GLIS3: variants seen among roughly 807,000 people sequenced by gnomAD.
GLIS3 encodes GLIS family zinc finger 3.
GLIS3 carries 53 observed loss-of-function variants against 78.6 expected under a neutral mutation model. The ratio of observed to expected loss-of-function variants is 0.67; its 90% CI spans 0.54 to 0.85. The LOEUF (loss-of-function observed/expected upper bound fraction) is 0.85. Among genes scored for constraint, GLIS3 ranks in the 40% least tolerant of loss-of-function variants. GLIS3 has a pLI of 0.00. For missense variants in GLIS3, 1,703 were observed against 1,231.1 expected, an observed-to-expected ratio of 1.38 and a Z score of -5.74; for synonymous variants, 684 against 509.9, an observed-to-expected ratio of 1.34 and a Z score of -4.60.
intron 2 of GLIS3, among the ~76,000 whole-genome samples, chr9:4,318,064 G>A (rs1037682211): frequency 6.6e-6 from 1 of 152,176 alleles, no homozygotes; most frequent in African/African-American, 2.4e-5. Context: ...GAATGTCAAA[G>A]TAAGTTATTT....
the GLIS3 span, among the ~76,000 whole-genome samples, chr9:4,428,406 G>C: frequency 6.7e-6 from 1 of 149,530 alleles, no homozygotes; most frequent in Non-Finnish European, 1.5e-5. Flanking sequence ...TTGAACCTGG[G>C]AGGCAGAGGT....
chr9:4,058,791 T>A (rs372500791), intron 4 of GLIS3, among the ~76,000 whole-genome samples: 1 of 151,984 alleles, frequency 6.6e-6, no homozygotes, highest in Non-Finnish European at 1.5e-5. Context: ...CCATCCTGGC[T>A]AACACAGTGA....
chr9:3,956,028 C>CAAAAAAAAAAAAA (rs5896037), intron 4 of GLIS3, among the ~76,000 whole-genome samples: 57 of 87,492 alleles, frequency 6.5e-4, no homozygotes, highest in East Asian at 1.2e-3. Flanking sequence ...CCAGATTCAG[C>CAAAAAAAAAAAAA]AAAAAAAAAA....
chr9:4,056,288 T>C (rs887386117), intron 4 of GLIS3, among the ~76,000 whole-genome samples: 5 of 152,226 alleles, frequency 3.3e-5, no homozygotes, highest in African/African-American at 1.2e-4. Context: ...AACAGTCCTC[T>C]TGGGGATTTT....
At chr9:4,156,762 G>T (rs1239520044) in intron 2 of GLIS3, among the ~76,000 whole-genome samples, 1 of 152,048 alleles carries the variant, frequency 6.6e-6, no homozygotes, top group African/African-American at 2.4e-5. Context: ...GAGGACCCTG[G>T]ATATGCTGAA....
the GLIS3 span, among the ~76,000 whole-genome samples, chr9:4,366,585 T>C: frequency 2.6e-4 from 40 of 152,192 alleles, no homozygotes; most frequent in Non-Finnish European, 1.3e-4. Context: ...CCATGAACCT[T>C]CCTTCACATT....
chr9:4,297,907 T>A (rs1019964329), intron 1 of GLIS3, among the ~76,000 whole-genome samples: 1 of 152,022 alleles, frequency 6.6e-6, no homozygotes, highest in Non-Finnish European at 1.5e-5. Flanking sequence ...CTGGCTTCGC[T>A]GCCGGGGTCG....
At chr9:4,013,195 C>A (rs1822172504) in intron 4 of GLIS3, among the ~76,000 whole-genome samples, 1 of 152,128 alleles carries the variant, frequency 6.6e-6, no homozygotes, top group South Asian at 2.1e-4. Context: ...CATCCCCAAC[C>A]TCCCAAAAAC....
the GLIS3 span, among the ~76,000 whole-genome samples, chr9:4,464,308 T>C: frequency 3.3e-5 from 5 of 151,992 alleles, no homozygotes; most frequent in African/African-American, 9.7e-5. Flanking sequence ...ATTTTTACCA[T>C]GATTTTGACA....
At chr9:4,279,314 A>T (rs59804123) in intron 2 of GLIS3, among the ~76,000 whole-genome samples, 20,388 of 82,496 alleles carry the variant, frequency 0.25, 4,426 homozygotes, top group African/African-American at 0.57. Flanking sequence ...AAAAAAAAAA[A>T]ATATATATAT....
At chr9:4,195,522 A>C (rs1818745121) in intron 2 of GLIS3, among the ~76,000 whole-genome samples, 1 of 152,204 alleles carries the variant, frequency 6.6e-6, no homozygotes, top group South Asian at 2.1e-4. Context: ...GCCGGGCCTC[A>C]GCCACCTCCC....
chr9:3,907,806 T>C (rs577871468), intron 6 of GLIS3, among the ~76,000 whole-genome samples: 2 of 152,264 alleles, frequency 1.3e-5, no homozygotes, highest in East Asian at 3.9e-4. Context: ...TGAGTTCTCT[T>C]GCAAGTGCGT....
chr9:4,270,488 C>A (rs769072842), intron 2 of GLIS3, among the ~76,000 whole-genome samples: 3 of 152,098 alleles, frequency 2.0e-5, no homozygotes, highest in East Asian at 1.9e-4. Flanking sequence ...AAGGCTCAAA[C>A]GGGGAAGCAT....
the GLIS3 span, among the ~76,000 whole-genome samples, chr9:4,400,530 A>T: frequency 6.6e-6 from 1 of 152,228 alleles, no homozygotes; most frequent in Non-Finnish European, 1.5e-5. Flanking sequence ...TTCTTTACCT[A>T]TATTGATTTG....
intron 3 of GLIS3, chr9:4,310,398 C>A (rs1176004062): frequency 6.6e-6 from 1 of 152,208 alleles, no homozygotes; most frequent in Admixed American, 6.5e-5. Flanking sequence ...TTCAGAAACT[C>A]ACTTGTCTAG....
At chr9:4,143,632 T>A (rs1411643210) in intron 2 of GLIS3, among the ~76,000 whole-genome samples, 1 of 152,162 alleles carries the variant, frequency 6.6e-6, no homozygotes, top group South Asian at 2.1e-4. Flanking sequence ...TACAGTATTG[T>A]CAACTATGGT....
chr9:4,488,768 T>G, the GLIS3 span, among the ~76,000 whole-genome samples: 1 of 152,216 alleles, frequency 6.6e-6, no homozygotes, highest in Non-Finnish European at 1.5e-5. Flanking sequence ...TCCGCCTGCC[T>G]TGGCCTCCCA....
At chr9:4,458,989 G>A in the GLIS3 span, among the ~76,000 whole-genome samples, 1 of 152,162 alleles carries the variant, frequency 6.6e-6, no homozygotes, top group Admixed American at 6.6e-5. Context: ...TTACCACATG[G>A]ATCCAAGATT....
At chr9:4,446,985 C>T in the GLIS3 span, among the ~76,000 whole-genome samples, 1 of 152,114 alleles carries the variant, frequency 6.6e-6, no homozygotes, top group Non-Finnish European at 1.5e-5. Context: ...TCTTACTCTG[C>T]TACCCTTACT....
Sources: allele counts gnomAD v4.1 joint callset (sites outside exome capture counted in the v4.1 genomes callset), GRCh38; gene constraint gnomAD v4.1.1; transcripts MANE v1.5; gene names NCBI Gene and HGNC (gene_info 2026-07-23, HGNC 2026-07-21).